The following PNPLA8 variants were observed in gnomAD, a reference collection of about 807,000 sequenced individuals.
PNPLA8 encodes calcium-independent phospholipase A2-gamma.
Under a neutral mutation model 76.9 loss-of-function variants are expected in PNPLA8, and 39 were observed. That is an observed-to-expected ratio of 0.51 (90% confidence interval 0.39 to 0.66). The LOEUF is 0.66. Ranked by LOEUF, PNPLA8 falls within the 30% of genes least tolerant of loss-of-function variation. The pLI is 0.00. For missense variants in PNPLA8, 887 were observed against 918.0 expected, an observed-to-expected ratio of 0.97 and a Z score of 0.44; for synonymous variants, 301 against 307.9, an observed-to-expected ratio of 0.98 and a Z score of 0.24.
intron 2 of PNPLA8, among the ~76,000 whole-genome samples, chr7:108,519,334 A>G (rs1484913219): frequency 1.3e-5 from 2 of 152,198 alleles, no homozygotes; most frequent in Non-Finnish European, 2.9e-5. Context: ...TAGGAATCTG[A>G]GGCTGCAGTG....
intron 6 of PNPLA8, among the ~76,000 whole-genome samples, chr7:108,497,172 A>G (rs1204358052): frequency 6.6e-6 from 1 of 152,156 alleles, no homozygotes; most frequent in Non-Finnish European, 1.5e-5. Context: ...ATATTTGACA[A>G]CTCACCAAAT....
rs1440077980 is a variant in PNPLA8, at chr7:108,497,630, T to C, written c.1359-53A>G. 4.9e-6 allele frequency: 5 copies of C among 1,025,662 alleles called. No homozygotes were observed. In the Admixed American group the frequency reaches 8.0e-5, roughly 16 times the overall value. The allele number at this position is 1,025,662 out of a possible 1,614,324, so 63.5% of individuals were successfully genotyped here. On this transcript the variant is annotated intron_variant, in intron 5 of 10. Coordinates refer to ENST00000257694, the MANE Select transcript of PNPLA8 (RefSeq NM_001256007.3). Reference sequence around the variant, plus strand: ...CAATTCCTGTTTAAAGAAAAAATAATTTAAGCTGTTGAATAAAACAATCTA... The same window carrying C: ...CAATTCCTGTTTAAAGAAAAAATAACTTAAGCTGTTGAATAAAACAATCTA...
chr7:108,525,933 CAAAG>C (rs1458535892), intron 1 of PNPLA8, 92 bp downstream of exon 1: 32 of 502,662 alleles, frequency 6.4e-5, no homozygotes, highest in Non-Finnish European at 8.2e-5. Context: ...AAGTGCCCTC[CAAAG>C]AAAGAAAGGA....
Position 108,472,321 on chromosome 7 carries a change from G to A in PNPLA8, c.*80C>T, listed in dbSNP as rs1859675298. 1 of 1,016,816 alleles carries A rather than the reference G, an allele frequency of 9.8e-7. No homozygotes were observed. The highest frequency in any genetic ancestry group is 1.4e-6 in the Non-Finnish European group (1 of 693,624). 63.0% of individuals were successfully genotyped at this position (1,016,816 alleles called of 1,614,324 possible). A position where few individuals can be genotyped will look rare whatever the true frequency, so the allele number is the denominator to read the frequency against. ...CATACGTATTTCAAAGTTAACTCAT[G>A]TCGAACCCCACAATTCCTTATTGAA... is the stretch of plus-strand genomic sequence containing the variant. On this transcript the variant is annotated 3_prime_UTR_variant, in exon 11 of 11. Coordinates refer to ENST00000257694, the MANE Select transcript of PNPLA8 (RefSeq NM_001256007.3).
chr7:108,504,526 C>T, intron 4 of PNPLA8, among the ~76,000 whole-genome samples: 1 of 152,138 alleles, frequency 6.6e-6, no homozygotes, highest in Non-Finnish European at 1.5e-5. Flanking sequence ...GGCTTGGAAA[C>T]TCAACAAAGA....
At chr7:108,508,539 T>G (rs1229314718) in intron 4 of PNPLA8, among the ~76,000 whole-genome samples, 3 of 45,410 alleles carry the variant, frequency 6.6e-5, no homozygotes, top group Non-Finnish European at 1.3e-4. Context: ...TACAAACAAA[T>G]GGAAGAACAT....
In PNPLA8 at chr7:108,476,442, A is replaced by C. The variant is rs571994175; in HGVS notation, c.2074+2742T>G. Among the ~76,000 whole-genome samples, 3 of 152,290 alleles carry C rather than the reference A, an allele frequency of 2.0e-5. No homozygotes were observed. The Middle Eastern group carries it at 0.01, about 518-fold the overall frequency. On this transcript the variant is annotated intron_variant, in intron 10 of 10. Coordinates refer to ENST00000257694, the MANE Select transcript of PNPLA8 (RefSeq NM_001256007.3). ...TGAATCAAAACCACAATGAGATCCC[A>C]CCTTACACCTGTTAGGATGGCTGTT...
chr7:108,493,348 T>A (rs1861321482), intron 7 of PNPLA8, among the ~76,000 whole-genome samples: 1 of 152,110 alleles, frequency 6.6e-6, no homozygotes, highest in Non-Finnish European at 1.5e-5. Flanking sequence ...AATAAATTTT[T>A]AAATTTTCAT....
intron 7 of PNPLA8, among the ~76,000 whole-genome samples, chr7:108,495,620 A>G (rs1861491310): frequency 6.6e-6 from 1 of 152,144 alleles, no homozygotes; most frequent in Non-Finnish European, 1.5e-5. Flanking sequence ...TCAACATTGG[A>G]CCCAATAAAT....
In PNPLA8 at chr7:108,514,608, G is replaced by A. The variant is rs1863169942; in HGVS notation, c.884C>T (p.Thr295Met). 3 of 1,613,960 alleles carry A rather than the reference G, an allele frequency of 1.9e-6. No individual in the cohort carries two copies. Among genetic ancestry groups the A allele is most frequent in the Non-Finnish European group, 2.5e-6 (3 of 1,179,920 alleles). Residue 295 changes from threonine (T) to methionine (M), a missense_variant, in exon 3 of 11, where the codon ACG (threonine) becomes ATG (methionine). Physicochemically the swap from Thr to Met is moderately conservative, Grantham distance 81. Coordinates refer to ENST00000257694, the MANE Select transcript of PNPLA8 (RefSeq NM_001256007.3). ...QSIANFLSRP[T>M]EGVQALVGGY... is the part of the protein sequence containing the mutation. ...ACCTACTAAAGCTTGTACACCTTCC[G>A]TGGGACGAGAAAGAAAGTTAGCAAT... is the stretch of plus-strand genomic sequence containing the variant.
intron 8 of PNPLA8, 123 bp downstream of exon 8, chr7:108,491,287 A>C: frequency 1.6e-6 from 1 of 643,494 alleles, no homozygotes; most frequent in Non-Finnish European, 2.7e-6. Flanking sequence ...AGCCTGGGCA[A>C]TAAGAGTGAA....
intron 9 of PNPLA8, among the ~76,000 whole-genome samples, 172 bp downstream of exon 9, chr7:108,487,587 G>T (rs1010364207): frequency 5.3e-5 from 8 of 152,240 alleles, no homozygotes; most frequent in African/African-American, 1.9e-4. Context: ...TCAGAGGCTT[G>T]TTAAGAAAAA....
At chr7:108,505,344 ATATATATATTTTTTTTTT>A (rs1862323603) in intron 4 of PNPLA8, among the ~76,000 whole-genome samples, 1 of 5,672 alleles carries the variant, frequency 1.8e-4, no homozygotes, top group Non-Finnish European at 2.6e-4. Context: ...ATATATATAT[ATATATATATTTTTTTTTT>A]TTTTTTTTTT....
intron 10 of PNPLA8, among the ~76,000 whole-genome samples, chr7:108,478,884 C>G (rs555886328): frequency 1.3e-5 from 2 of 152,244 alleles, no homozygotes; most frequent in South Asian, 2.1e-4. Flanking sequence ...TTGCTTTTCC[C>G]TTTCTTAACT....
rs760103943 is a variant in PNPLA8, at chr7:108,502,496, TC to T, written c.1352del (p.Gly451GlufsTer14). 6.4e-7 allele frequency: 1 copy of T among 1,569,496 alleles called. No individual in the cohort carries two copies. The highest frequency in any genetic ancestry group is 8.7e-7 in the Non-Finnish European group (1 of 1,144,572). Reference protein sequence around the residue: ...GIRILSIDGGGTRGVVALQTL... With the variant: ...GIRILSIDGGXTRGVVALQTL... Reference sequence around the variant, plus strand: ...AATCATGTTCCTAGCCTTACCTTGTTCCTCCACCATCAATTGAGAGAATTCG... The same window carrying T: ...AATCATGTTCCTAGCCTTACCTTGTTCTCCACCATCAATTGAGAGAATTCG... On this transcript the variant is annotated frameshift_variant, in exon 5 of 11. Transcript: ENST00000257694. LOFTEE classifies it high-confidence loss of function.
At chr7:108,479,138 A>G (rs372962131) in intron 10 of PNPLA8, 46 bp downstream of exon 10, 30 of 1,382,832 alleles carry the variant, frequency 2.2e-5, no homozygotes, top group African/African-American at 2.9e-5. Flanking sequence ...AAAAACTGCT[A>G]GAATGCTAGA....
chr7:108,517,564 C>T (rs1482953027), intron 2 of PNPLA8, among the ~76,000 whole-genome samples: 1 of 152,062 alleles, frequency 6.6e-6, no homozygotes, highest in African/African-American at 2.4e-5. Context: ...GTGTATGTGC[C>T]ACAGACAGAC....
At chr7:108,478,324 G>A (rs962893707) in intron 10 of PNPLA8, among the ~76,000 whole-genome samples, 3 of 152,078 alleles carry the variant, frequency 2.0e-5, no homozygotes, top group Non-Finnish European at 4.4e-5. Flanking sequence ...TCCGGTGGTT[G>A]GACACACTGT....
At chr7:108,509,824 C>A (rs1477024501) in intron 4 of PNPLA8, among the ~76,000 whole-genome samples, 14 of 145,110 alleles carry the variant, frequency 9.6e-5, no homozygotes, top group Admixed American at 2.1e-4. Context: ...TGGCACATAT[C>A]CACCATGGAA....
Sources: allele counts gnomAD v4.1 joint callset (sites outside exome capture counted in the v4.1 genomes callset), GRCh38; gene constraint gnomAD v4.1.1; transcripts MANE v1.5; gene names NCBI Gene and HGNC (gene_info 2026-07-23, HGNC 2026-07-21).